CRISPLD1: variants seen among roughly 807,000 people sequenced by gnomAD.
CRISPLD1 encodes cysteine rich secretory protein LCCL domain containing 1.
CRISPLD1 carries 60 observed loss-of-function variants against 77.5 expected under a neutral mutation model. The ratio of observed to expected loss-of-function variants is 0.77; its 90% CI spans 0.63 to 0.96. CRISPLD1 has a LOEUF of 0.96. Ranked by LOEUF, CRISPLD1 falls within the 40% of genes least tolerant of loss-of-function variation. The pLI, the probability that CRISPLD1 is intolerant of heterozygous loss-of-function variation, is 0.00. For synonymous variants in CRISPLD1, 195 were observed against 200.1 expected (o/e 0.97, Z 0.22); for missense variants, 623 against 615.8 (o/e 1.01, Z -0.12).
Position 74,985,952 on chromosome 8 carries a change from G to C in CRISPLD1, c.-36G>C, listed in dbSNP as rs540125269. Reference sequence around the variant, plus strand: ...CAAAAGGAGTGGAAGAGCCTGTCTTGGAGATTTTCCTGGGGAAATCCTGAG... The same window carrying C: ...CAAAAGGAGTGGAAGAGCCTGTCTTCGAGATTTTCCTGGGGAAATCCTGAG... On this transcript the variant is annotated 5_prime_UTR_variant, in exon 2 of 15. Transcript: ENST00000262207. 55 of 1,589,620 alleles carry C rather than the reference G, an allele frequency of 3.5e-5. No individual in the cohort carries two copies. The South Asian group carries it at 5.2e-4, about 15-fold the overall frequency.
chr8:75,022,066 A>G (rs568401129), intron 12 of CRISPLD1, among the ~76,000 whole-genome samples: 1 of 152,328 alleles, frequency 6.6e-6, no homozygotes, highest in South Asian at 2.1e-4. Context: ...TAAAGCATTA[A>G]TAAACAAGCT....
chr8:75,033,034 A>G lies in CRISPLD1; in HGVS notation c.*792A>G, dbSNP rs1813379972. On this transcript the variant is annotated 3_prime_UTR_variant, in exon 15 of 15. Coordinates refer to ENST00000262207, the MANE Select transcript of CRISPLD1 (RefSeq NM_031461.6). ...ATACTCCTGCAGGCCAGGAAGTATA[A>G]TAGCAAAAAGTTGAACAAAGATGAA... 6.6e-6 allele frequency: 1 copy of G among 152,320 alleles called. No homozygotes were observed. The highest frequency in any genetic ancestry group is 2.4e-5 in the African/African-American group (1 of 41,424). 9.4% of individuals were successfully genotyped at this position (152,320 alleles called of 1,614,324 possible).
chr8:75,008,465 C>T (rs117899936), intron 2 of CRISPLD1, among the ~76,000 whole-genome samples: 104 of 152,234 alleles, frequency 6.8e-4, no homozygotes, highest in Middle Eastern at 3.4e-3. Flanking sequence ...GTAGCTTTAA[C>T]AAATATGTAC....
rs914681626 is a variant in CRISPLD1, at chr8:75,000,143, A to G, written c.259-12290A>G. 9 of 984,972 alleles carry G rather than the reference A, an allele frequency of 9.1e-6. No homozygotes were observed. The African/African-American group carries it at 1.1e-4, about 11-fold the overall frequency. 61.0% of individuals were successfully genotyped at this position (984,972 alleles called of 1,614,324 possible). A position where few individuals can be genotyped will look rare whatever the true frequency, so the allele number is the denominator to read the frequency against. On this transcript the variant is annotated intron_variant, in intron 2 of 14. Coordinates refer to ENST00000262207, the MANE Select transcript of CRISPLD1 (RefSeq NM_031461.6). ...ATGTCATAGCAACTCAAACAATACAAAGTAACCACCAGAACGCTGGACAAT... is the reference window on the plus strand; with the variant it reads ...ATGTCATAGCAACTCAAACAATACAGAGTAACCACCAGAACGCTGGACAAT...
intron 9 of CRISPLD1, 49 bp downstream of exon 9, chr8:75,017,162 T>C: frequency 6.4e-7 from 1 of 1,552,004 alleles, no homozygotes; most frequent in Non-Finnish European, 8.9e-7. Context: ...TTCCATGTAA[T>C]ATTTGATTTT....
intron 2 of CRISPLD1, among the ~76,000 whole-genome samples, chr8:75,005,872 A>T (rs570630633): frequency 2.3e-4 from 35 of 152,316 alleles, no homozygotes; most frequent in Admixed American, 1.2e-3. Context: ...TTGCAATGCC[A>T]CCATATTTCC....
chr8:75,017,714 C>T (rs1813059835), intron 10 of CRISPLD1, among the ~76,000 whole-genome samples: 1 of 152,018 alleles, frequency 6.6e-6, no homozygotes, highest in Non-Finnish European at 1.5e-5. Context: ...AGTTAATTCC[C>T]AGTGTAAAGC....
Position 75,034,509 on chromosome 8 carries a change from G to T in CRISPLD1, c.*2267G>T, listed in dbSNP as rs1455321889. ...TGTGAAATCCTCCAGGAATTTTCCT[G>T]TGATTCTCCTTGTAAGAATTAAATG... On this transcript the variant is annotated 3_prime_UTR_variant, in exon 15 of 15. Coordinates refer to ENST00000262207, the MANE Select transcript of CRISPLD1 (RefSeq NM_031461.6). 2 of 152,042 alleles carry T rather than the reference G, an allele frequency of 1.3e-5. No homozygotes were observed. Among genetic ancestry groups the T allele is most frequent in the Non-Finnish European group, 2.9e-5 (2 of 67,950 alleles). The allele number at this position is 152,042 out of a possible 1,614,324, so 9.4% of individuals were successfully genotyped here.
intron 4 of CRISPLD1, 149 bp from the exon 5 acceptor site, chr8:75,013,838 G>T: frequency 1.7e-6 from 1 of 587,680 alleles, no homozygotes; most frequent in East Asian, 2.9e-5. Context: ...AAGGTCTCAG[G>T]AAAAAGACCC....
At position 75,032,393 on chromosome 8, in the gene CRISPLD1, TATAAA is replaced by T; in HGVS notation, c.*158_*162del. ...CATATAAATCTTGATAAACAAAGTC[TATAAA>T]ATAAAACATGGGACATTAGCTTTGG... On this transcript the variant is annotated 3_prime_UTR_variant, in exon 15 of 15. Coordinates refer to ENST00000262207, the MANE Select transcript of CRISPLD1 (RefSeq NM_031461.6). 1 of 445,796 alleles carries T rather than the reference TATAAA, an allele frequency of 2.2e-6. No homozygotes were observed. The highest frequency in any genetic ancestry group is 4.0e-6 in the Non-Finnish European group (1 of 247,966). 27.6% of individuals were successfully genotyped at this position (445,796 alleles called of 1,614,324 possible). A position where few individuals can be genotyped will look rare whatever the true frequency, so the allele number is the denominator to read the frequency against.
intron 13 of CRISPLD1, among the ~76,000 whole-genome samples, chr8:75,027,806 TTC>T (rs1348189670): frequency 6.6e-6 from 1 of 152,174 alleles, no homozygotes; most frequent in African/African-American, 2.4e-5. Context: ...ACCTTGTACA[TTC>T]TGTTTCTTTG....
intron 2 of CRISPLD1, among the ~76,000 whole-genome samples, chr8:75,001,885 G>A (rs755054254): frequency 3.3e-5 from 5 of 152,228 alleles, no homozygotes; most frequent in African/African-American, 7.2e-5. Flanking sequence ...TAATATGACC[G>A]TATTAGTCTA....
At chr8:75,024,993 G>GT (rs1813207190) in intron 12 of CRISPLD1, among the ~76,000 whole-genome samples, 1 of 152,162 alleles carries the variant, frequency 6.6e-6, no homozygotes, top group Admixed American at 6.5e-5. Flanking sequence ...TTCATACATG[G>GT]TAAGTTTGAG....
At chr8:75,006,546 T>C (rs913057511) in intron 2 of CRISPLD1, among the ~76,000 whole-genome samples, 3 of 152,128 alleles carry the variant, frequency 2.0e-5, no homozygotes, top group African/African-American at 7.2e-5. Context: ...TAGCCAAAAA[T>C]CTTGCAATCC....
rs1445297126 is a variant in CRISPLD1 at position 75,014,037 on chromosome 8, T to C, written c.561T>C (p.His187=). ...NRIGCAINLC[H]NMNIWGQIWP... ...TCGGTTGTGCCATTAATTTGTGTCATAACATGAACATCTGGGGGCAGATAT... is the reference window on the plus strand; with the variant it reads ...TCGGTTGTGCCATTAATTTGTGTCACAACATGAACATCTGGGGGCAGATAT... The change falls in exon 5 of 15, where the codon CAT becomes CAC. Residue 187 remains histidine, a synonymous_variant. Coordinates refer to ENST00000262207, the MANE Select transcript of CRISPLD1 (RefSeq NM_031461.6). 3 of 1,613,292 alleles carry C rather than the reference T, an allele frequency of 1.9e-6. No individual in the cohort carries two copies. Among genetic ancestry groups the C allele is most frequent in the Middle Eastern group, 1.7e-4 (1 of 6,052 alleles).
Position 75,020,067 on chromosome 8 carries a change from C to T in CRISPLD1, c.1232C>T (p.Ser411Leu). 1 of 1,613,990 alleles carries T rather than the reference C, an allele frequency of 6.2e-7. No homozygotes were observed. Among genetic ancestry groups the T allele is most frequent in the East Asian group, 2.2e-5 (1 of 44,860 alleles). Residue 411 changes from serine to leucine, a missense_variant, in exon 12 of 15, where the codon TCA (serine) becomes TTA (leucine). Transcript: ENST00000262207. Reference sequence around the variant, plus strand: ...CTCTGTCCATTTCATAAGCCTGCTTCACATTGCCCAAGGTAAACCAGTGTA... The same window carrying T: ...CTCTGTCCATTTCATAAGCCTGCTTTACATTGCCCAAGGTAAACCAGTGTA... ...EQLCPFHKPASHCPRVYCPRN... is the reference protein window; with the variant it reads ...EQLCPFHKPALHCPRVYCPRN...
intron 10 of CRISPLD1, 30 bp downstream of exon 10, chr8:75,017,480 A>G (rs1813055586): frequency 1.9e-6 from 3 of 1,555,740 alleles, no homozygotes; most frequent in Non-Finnish European, 2.6e-6. Context: ...TTTGGACCAG[A>G]TAATTTTAAA....
At chr8:74,995,324 T>A (rs1812630085) in intron 2 of CRISPLD1, among the ~76,000 whole-genome samples, 1 of 152,240 alleles carries the variant, frequency 6.6e-6, no homozygotes, top group Non-Finnish European at 1.5e-5. Context: ...TATGACAATT[T>A]TATAACATAT....
At chr8:74,995,539 A>G (rs1398119084) in intron 2 of CRISPLD1, among the ~76,000 whole-genome samples, 2 of 152,170 alleles carry the variant, frequency 1.3e-5, no homozygotes, top group African/African-American at 4.8e-5. Flanking sequence ...CAGTGGCACG[A>G]TCACAGCACA....
Sources: gnomAD v4.1 joint callset for allele counts (sites outside exome capture counted in the v4.1 genomes callset) on GRCh38, gnomAD v4.1.1 for gene constraint, MANE v1.5 for transcripts, NCBI Gene and HGNC (gene_info 2026-07-23, HGNC 2026-07-21) for gene names.